Variants in STX8 observed in about 807,000 individuals in gnomAD.
STX8 encodes syntaxin-8.
A neutral mutation model predicts 37.5 loss-of-function variants in STX8; 23 were observed. The observed-to-expected ratio is 0.61, with a 90% CI of 0.44 to 0.87. STX8 has a LOEUF of 0.87. Among genes scored for constraint, STX8 ranks in the 40% least tolerant of loss-of-function variants. The pLI is 0.00. For missense variants in STX8, 313 were observed against 284.7 expected, an observed-to-expected ratio of 1.10 and a Z score of -0.71; for synonymous variants, 115 against 99.1, an observed-to-expected ratio of 1.16 and a Z score of -0.95.
At chr17:9,423,152 T>G (rs1477790052) in intron 6 of STX8, among the ~76,000 whole-genome samples, 2 of 152,236 alleles carry the variant, frequency 1.3e-5, no homozygotes, top group African/African-American at 4.8e-5. Flanking sequence ...AAACGTTCAC[T>G]TTTCATTTTG....
In STX8 at chr17:9,550,019, C is replaced by T. The variant is rs866846941; in HGVS notation, c.213-4737G>A. Among the ~76,000 whole-genome samples the T allele has an allele frequency of 3.9e-5, 6 of 152,084 alleles. 1 individual carries two copies. The Middle Eastern group carries it at 0.01, about 259-fold the overall frequency. ...CAGGCGGATCATGAGGTCAGGAGTT[C>T]GAGACCAGCCTGGACAACACGGTGA... On this transcript the variant is annotated intron_variant, in intron 3 of 7. Coordinates refer to ENST00000306357, the MANE Select transcript of STX8 (RefSeq NM_004853.3).
At chr17:9,396,140 G>A (rs1912393961) in intron 6 of STX8, among the ~76,000 whole-genome samples, 1 of 152,128 alleles carries the variant, frequency 6.6e-6, no homozygotes, top group Admixed American at 6.5e-5. Flanking sequence ...TATTTTAGAA[G>A]ACTGGAATCC....
intron 7 of STX8, among the ~76,000 whole-genome samples, chr17:9,360,864 G>A (rs568246612): frequency 1.0e-3 from 154 of 152,154 alleles, no homozygotes; most frequent in South Asian, 3.5e-3. Flanking sequence ...AGCACCCAGC[G>A]CTCAGCAGTC....
chr17:9,499,529 G>C (rs1193308545), intron 5 of STX8, among the ~76,000 whole-genome samples: 3 of 152,130 alleles, frequency 2.0e-5, no homozygotes, highest in African/African-American at 7.2e-5. Context: ...CTCCCGAGTA[G>C]CTGGGACTAC....
chr17:9,500,403 A>G lies in STX8; in HGVS notation c.448+4635T>C, dbSNP rs371831668. On this transcript the variant is annotated intron_variant, in intron 5 of 7. Coordinates refer to ENST00000306357, the MANE Select transcript of STX8 (RefSeq NM_004853.3). ...TAAGACTGCCCCGGATTACTACCTC[A>G]TAAGAGTTCCCAAGCCATGGTGTGG... is the stretch of plus-strand genomic sequence containing the variant. 2.4e-4 allele frequency among the ~76,000 whole-genome samples: 36 copies of G among 152,346 alleles called. No homozygotes were observed. In the East Asian group the frequency reaches 6.6e-3, roughly 28 times the overall value.
intron 2 of STX8, among the ~76,000 whole-genome samples, chr17:9,560,500 G>GT (rs1188415592): frequency 1.3e-5 from 2 of 151,174 alleles, no homozygotes; most frequent in Non-Finnish European, 2.9e-5. Context: ...CCTAGGGAGA[G>GT]TTTTTTAAAT....
chr17:9,400,322 C>T (rs1912561950), intron 6 of STX8, among the ~76,000 whole-genome samples: 1 of 151,860 alleles, frequency 6.6e-6, no homozygotes, highest in Non-Finnish European at 1.5e-5. Context: ...AGGATGGTCT[C>T]GATCTCCTGA....
At chr17:9,563,639 G>A (rs1421241032) in intron 2 of STX8, among the ~76,000 whole-genome samples, 4 of 152,132 alleles carry the variant, frequency 2.6e-5, no homozygotes, top group Non-Finnish European at 5.9e-5. Context: ...AGTAGGTTAA[G>A]AAAAGGTAGA....
intron 6 of STX8, among the ~76,000 whole-genome samples, chr17:9,461,013 A>T (rs941440741): frequency 6.6e-5 from 10 of 151,934 alleles, no homozygotes; most frequent in Non-Finnish European, 1.5e-4. Context: ...CAGCCTAGGA[A>T]AGAAAAATGT....
intron 7 of STX8, among the ~76,000 whole-genome samples, chr17:9,352,150 TAAA>T (rs551344446): frequency 1.8e-5 from 2 of 111,144 alleles, no homozygotes; most frequent in African/African-American, 3.3e-5. Flanking sequence ...AGATCCTGCC[TAAA>T]AAAAAAAAAA....
chr17:9,441,429 G>A (rs1293786156), intron 6 of STX8, among the ~76,000 whole-genome samples: 1 of 149,348 alleles, frequency 6.7e-6, no homozygotes, highest in Non-Finnish European at 1.5e-5. Flanking sequence ...GGCAGAGGTG[G>A]CAGTGAGCCG....
At chr17:9,382,331 ATATC>A (rs1911852823) in intron 6 of STX8, among the ~76,000 whole-genome samples, 1 of 152,254 alleles carries the variant, frequency 6.6e-6, no homozygotes, top group Admixed American at 6.5e-5. Flanking sequence ...CAGAAATACA[ATATC>A]TATCTGGCAT....
intron 6 of STX8, among the ~76,000 whole-genome samples, chr17:9,410,223 A>G (rs1298816502): frequency 6.6e-6 from 1 of 152,242 alleles, no homozygotes; most frequent in East Asian, 1.9e-4. Flanking sequence ...TCACTACCAG[A>G]TAAGTCATCA....
At chr17:9,517,969 G>A (rs1042127031) in intron 4 of STX8, among the ~76,000 whole-genome samples, 20 of 152,062 alleles carry the variant, frequency 1.3e-4, no homozygotes, top group Non-Finnish European at 2.5e-4. Flanking sequence ...TGGAGAGTGG[G>A]CAAAATTTGG....
intron 6 of STX8, among the ~76,000 whole-genome samples, chr17:9,463,904 A>G (rs7209970): frequency 0.87 from 128,605 of 148,444 alleles, 55,775 homozygotes; most frequent in East Asian, 1. Flanking sequence ...GTGAAACTCC[A>G]TCTCAAAAAA....
Position 9,416,354 on chromosome 17 carries a change from G to A in STX8, c.542-37701C>T, listed in dbSNP as rs768795455. Among the ~76,000 whole-genome samples, 4 of 151,846 alleles carry A rather than the reference G, an allele frequency of 2.6e-5. 1 individual carries two copies. The highest frequency in any genetic ancestry group is 1.3e-4 in the Admixed American group (2 of 15,258). On this transcript the variant is annotated intron_variant, in intron 6 of 7. Coordinates refer to ENST00000306357, the MANE Select transcript of STX8 (RefSeq NM_004853.3). Reference sequence around the variant, plus strand: ...GACACAGGCCAAATTAACTATGGGAGGAATTTAGTTTGTAGTTTAATTTTT... The same window carrying A: ...GACACAGGCCAAATTAACTATGGGAAGAATTTAGTTTGTAGTTTAATTTTT...
chr17:9,565,612 C>CAAAA (rs61319674), intron 2 of STX8, among the ~76,000 whole-genome samples: 2 of 72,672 alleles, frequency 2.8e-5, no homozygotes, highest in African/African-American at 4.9e-5. Flanking sequence ...AACACCGTCT[C>CAAAA]AAAAAAAAAA....
chr17:9,264,418 C>A (rs574963562), intron 7 of STX8, among the ~76,000 whole-genome samples: 1 of 152,224 alleles, frequency 6.6e-6, no homozygotes, highest in Admixed American at 6.5e-5. Flanking sequence ...GATCCCCCCA[C>A]GTCAGCCTCC....
At chr17:9,479,861 C>T (rs959638201) in intron 6 of STX8, among the ~76,000 whole-genome samples, 2 of 151,344 alleles carry the variant, frequency 1.3e-5, no homozygotes, top group Non-Finnish European at 2.9e-5. Context: ...CCCTCCTGCC[C>T]ATGCTCTCTA....
Sources: gnomAD v4.1 joint callset for allele counts (sites outside exome capture counted in the v4.1 genomes callset) on GRCh38, gnomAD v4.1.1 for gene constraint, MANE v1.5 for transcripts, NCBI Gene and HGNC (gene_info 2026-07-23, HGNC 2026-07-21) for gene names.